KLHL28: variants seen among roughly 807,000 people sequenced by gnomAD.
KLHL28 encodes kelch like family member 28, also known as kelch-like protein 28.
Under a neutral mutation model 48.3 loss-of-function variants are expected in KLHL28, and 22 were observed. The ratio of observed to expected loss-of-function variants is 0.46; its 90% CI spans 0.33 to 0.65. KLHL28 has a LOEUF of 0.65. Among genes scored for constraint, KLHL28 ranks in the 30% least tolerant of loss-of-function variants. The probability of loss-of-function intolerance (pLI) is 0.03; values close to 1 mark genes in which losing one functional copy is unlikely to be tolerated. For synonymous variants in KLHL28, 243 were observed against 242.4 expected (o/e 1.00, Z -0.02); for missense variants, 527 against 704.3 (o/e 0.75, Z 2.85).
chr14:44,951,620 G>A (rs763931517), intron 1 of KLHL28, among the ~76,000 whole-genome samples: 11 of 152,120 alleles, frequency 7.2e-5, no homozygotes, highest in Non-Finnish European at 1.5e-4. Flanking sequence ...AAAGGCACTG[G>A]TAAAAGTAAC....
chr14:44,925,177 C>G lies in KLHL28; in HGVS notation c.*3851G>C, dbSNP rs1883337281. 6.6e-6 allele frequency: 1 copy of G among 152,158 alleles called. No individual in the cohort carries two copies. The highest frequency in any genetic ancestry group is 2.4e-5 in the African/African-American group (1 of 41,416). 9.4% of individuals were successfully genotyped at this position (152,158 alleles called of 1,614,324 possible). A position where few individuals can be genotyped will look rare whatever the true frequency, so the allele number is the denominator to read the frequency against. On this transcript the variant is annotated 3_prime_UTR_variant, in exon 5 of 5. Coordinates refer to ENST00000396128, the MANE Select transcript of KLHL28 (RefSeq NM_017658.5). ...GACTACAGAGGTTATGAGGTTATCA[C>G]AAGTTTACTGAACTTTAAGCAGTAA...
Position 44,926,246 on chromosome 14 carries a change from T to G in KLHL28, c.*2782A>C, listed in dbSNP as rs1883367375. On this transcript the variant is annotated 3_prime_UTR_variant, in exon 5 of 5. Transcript: ENST00000396128. ...TTAAGCAATCCTAAAATAAATATAC[T>G]TCTAAATTTTGAACATTTTTCCTCT... is the stretch of plus-strand genomic sequence containing the variant. 6.6e-6 allele frequency: 1 copy of G among 152,224 alleles called. No individual in the cohort carries two copies. The highest frequency in any genetic ancestry group is 2.1e-4 in the South Asian group (1 of 4,836). 9.4% of individuals were successfully genotyped at this position (152,224 alleles called of 1,614,324 possible).
chr14:44,960,189 T>A (rs1884971501), intron 1 of KLHL28, among the ~76,000 whole-genome samples: 1 of 152,230 alleles, frequency 6.6e-6, no homozygotes, highest in Non-Finnish European at 1.5e-5. Flanking sequence ...CTTGCTTTGT[T>A]CCCAGGAAAA....
At chr14:44,944,967 T>A in intron 2 of KLHL28, 63 bp downstream of exon 2, 2 of 1,151,026 alleles carry the variant, frequency 1.7e-6, no homozygotes, top group Non-Finnish European at 1.2e-6. Flanking sequence ...ATATAGAAAA[T>A]CTGCACATTT....
At chr14:44,941,403 G>A (rs1884074179) in intron 2 of KLHL28, among the ~76,000 whole-genome samples, 1 of 151,754 alleles carries the variant, frequency 6.6e-6, no homozygotes, top group African/African-American at 2.4e-5. Flanking sequence ...AGGCTGAGGT[G>A]GGCAGATCAC....
chr14:44,951,837 C>A (rs879669047), intron 1 of KLHL28, among the ~76,000 whole-genome samples: 1 of 152,052 alleles, frequency 6.6e-6, no homozygotes, highest in Non-Finnish European at 1.5e-5. Context: ...TTTTCCATAA[C>A]ATAATTTTTT....
chr14:44,938,843 T>C (rs1000097293), intron 2 of KLHL28, among the ~76,000 whole-genome samples: 1 of 152,192 alleles, frequency 6.6e-6, no homozygotes, highest in African/African-American at 2.4e-5. Flanking sequence ...CCTACAGTTC[T>C]GACAGGCTGA....
Position 44,945,023 on chromosome 14 carries a change from T to C in KLHL28, c.899+7A>G. The C allele has an allele frequency of 1.3e-6, 2 of 1,570,866 alleles. No individual in the cohort carries two copies. The highest frequency in any genetic ancestry group is 1.7e-6 in the Non-Finnish European group (2 of 1,150,768). The stretch of plus-strand genomic sequence containing the variant: ...GCATCATTCATTTAGGAAAGCCTTC[T>C]ATTTACCTATCCAAACAGGCAAAGA... On this transcript the variant is annotated splice_region_variant and intron_variant, in intron 2 of 4. Transcript: ENST00000396128.
At chr14:44,935,905 T>TATATATATATATA (rs1233257500) in intron 2 of KLHL28, among the ~76,000 whole-genome samples, 15 of 123,668 alleles carry the variant, frequency 1.2e-4, no homozygotes, top group Non-Finnish European at 2.2e-4. Context: ...TATATATATC[T>TATATATATATATA]TTACCCTCCC....
chr14:44,951,332 G>C (rs1021271427), intron 1 of KLHL28, among the ~76,000 whole-genome samples: 1 of 152,208 alleles, frequency 6.6e-6, no homozygotes, highest in African/African-American at 2.4e-5. Flanking sequence ...ATCACAAGGT[G>C]TGTCAAGCCA....
rs755659647 is a variant in KLHL28, at chr14:44,934,317, C to G, written c.1141G>C (p.Val381Leu). ...RMNESRSTLG[V>L]VVLAGELYAL... ...TAAAGTTCTCCTGCAAGTACTACTA[C>G]TCCAAGAGTACTTCGGCTTTCATTC... The change falls in exon 3 of 5, where the codon GTA becomes CTA. Residue 381 changes from valine to leucine, a missense_variant. Val to Leu is a conservative substitution (Grantham distance 32, BLOSUM62 1). Coordinates refer to ENST00000396128, the MANE Select transcript of KLHL28 (RefSeq NM_017658.5). The G allele has an allele frequency of 1.2e-6, 2 of 1,613,894 alleles. No homozygotes were observed. Among genetic ancestry groups the G allele is most frequent in the South Asian group, 2.2e-5 (2 of 91,078 alleles).
intron 1 of KLHL28, among the ~76,000 whole-genome samples, chr14:44,961,395 G>C (rs895628123): frequency 1.3e-5 from 2 of 151,872 alleles, no homozygotes; most frequent in Admixed American, 1.3e-4. Context: ...TAGCTACAGG[G>C]GGAAAAAAAC....
At chr14:44,947,939 T>G (rs375777657) in intron 1 of KLHL28, among the ~76,000 whole-genome samples, 2 of 152,092 alleles carry the variant, frequency 1.3e-5, no homozygotes, top group South Asian at 2.1e-4. Context: ...CAGTAGGTAC[T>G]TTTTTTCCAG....
chr14:44,943,014 T>C (rs891337302), intron 2 of KLHL28, among the ~76,000 whole-genome samples: 16 of 152,196 alleles, frequency 1.1e-4, no homozygotes, highest in African/African-American at 3.9e-4. Flanking sequence ...GTTATAATAA[T>C]GCTGCAATAA....
intron 1 of KLHL28, chr14:44,961,541 AAGG>A (rs990173000): frequency 1.3e-5 from 2 of 152,000 alleles, no homozygotes; most frequent in Admixed American, 1.3e-4. Context: ...AAGTCGACAA[AAGG>A]AGAAGGGGGA....
At chr14:44,941,092 A>G (rs1409982148) in intron 2 of KLHL28, among the ~76,000 whole-genome samples, 3 of 151,456 alleles carry the variant, frequency 2.0e-5, no homozygotes, top group Non-Finnish European at 4.4e-5. Flanking sequence ...AAAGTGAGAC[A>G]CCTGGGCGAC....
chr14:44,943,175 C>T (rs1365113854), intron 2 of KLHL28, among the ~76,000 whole-genome samples: 1 of 152,120 alleles, frequency 6.6e-6, no homozygotes, highest in African/African-American at 2.4e-5. Context: ...GAGGCAACTG[C>T]TCAAAAATTT....
intron 1 of KLHL28, among the ~76,000 whole-genome samples, chr14:44,952,693 T>G (rs2138657354): frequency 6.6e-6 from 1 of 152,236 alleles, no homozygotes; most frequent in South Asian, 2.1e-4. Context: ...ACCACTGCGT[T>G]TGGCTCAAAA....
Position 44,927,362 on chromosome 14 carries a change from C to T in KLHL28, c.*1666G>A, listed in dbSNP as rs756134709. 2.2e-4 allele frequency: 34 copies of T among 152,382 alleles called. No homozygotes were observed. The highest frequency in any genetic ancestry group is 4.7e-4 in the Non-Finnish European group (32 of 67,936). The allele number at this position is 152,382 out of a possible 1,614,324, so 9.4% of individuals were successfully genotyped here. A position where few individuals can be genotyped will look rare whatever the true frequency, so the allele number is the denominator to read the frequency against. On this transcript the variant is annotated 3_prime_UTR_variant, in exon 5 of 5. Coordinates refer to ENST00000396128, the MANE Select transcript of KLHL28 (RefSeq NM_017658.5). ...CAAATGAACCTATGTTTTATAATTA[C>T]AAATGGCTTCTTAACAATAGTCTAG...
Sources: allele counts gnomAD v4.1 joint callset (sites outside exome capture counted in the v4.1 genomes callset), GRCh38; gene constraint gnomAD v4.1.1; transcripts MANE v1.5; gene names NCBI Gene and HGNC (gene_info 2026-07-23, HGNC 2026-07-21).